Variants in SNX18 observed in about 807,000 individuals in gnomAD.
SNX18 encodes the protein sorting nexin-18.
A neutral mutation model predicts 48.7 loss-of-function variants in SNX18; 35 were observed. The observed-to-expected ratio is 0.72, with a 90% confidence interval of 0.55 to 0.95. The LOEUF is 0.95. SNX18 is among the 40% of genes least tolerant of loss of function. The pLI is 0.00. For synonymous variants in SNX18, 492 were observed against 384.7 expected (o/e 1.28, Z -3.26); for missense variants, 824 against 871.0 (o/e 0.95, Z 0.68).
At chr5:54,600,945 T>C in the SNX18 span, among the ~76,000 whole-genome samples, 2 of 152,212 alleles carry the variant, frequency 1.3e-5, no homozygotes, top group East Asian at 3.8e-4. Flanking sequence ...TTTATCTATG[T>C]AACAAACCTG....
In SNX18 at chr5:54,537,786, GTGTTA is replaced by G. The variant is rs370044179; in HGVS notation, c.1622-5391_1622-5387del. On this transcript the variant is annotated intron_variant, in intron 1 of 1. Transcript: ENST00000381410. ...CCATCATGAAAAATGTGTAGTCCTT[GTGTTA>G]TTTAGATTCTGGGCAACATTTTTAG... 1.4e-4 allele frequency among the ~76,000 whole-genome samples: 21 copies of G among 152,226 alleles called. No homozygotes were observed. The East Asian group carries it at 4.1e-3, about 29-fold the overall frequency.
chr5:54,615,038 C>T, the SNX18 span, among the ~76,000 whole-genome samples: 1 of 152,120 alleles, frequency 6.6e-6, no homozygotes, highest in Non-Finnish European at 1.5e-5. Context: ...AAACATACTC[C>T]TTCTGCTTTG....
chr5:54,617,351 G>T, the SNX18 span, among the ~76,000 whole-genome samples: 229 of 152,282 alleles, frequency 1.5e-3, 4 homozygotes, highest in East Asian at 0.036. Context: ...CTCCTGTTTG[G>T]TTCCACAGGA....
chr5:54,638,753 A>C, the SNX18 span, among the ~76,000 whole-genome samples: 2 of 152,294 alleles, frequency 1.3e-5, no homozygotes, highest in East Asian at 3.9e-4. Flanking sequence ...ACCTGTATAG[A>C]TAAAGAAAAC....
At chr5:54,522,984 G>A (rs563667931) in intron 1 of SNX18, among the ~76,000 whole-genome samples, 24 of 152,258 alleles carry the variant, frequency 1.6e-4, no homozygotes, top group African/African-American at 5.1e-4. Flanking sequence ...GAAGAAAGAC[G>A]GTAGTTTGCT....
At chr5:54,606,737 A>G in the SNX18 span, among the ~76,000 whole-genome samples, 1 of 152,228 alleles carries the variant, frequency 6.6e-6, no homozygotes, top group Non-Finnish European at 1.5e-5. Flanking sequence ...ATTTTACAAA[A>G]CATTAGTATA....
At chr5:54,579,052 C>T in the SNX18 span, among the ~76,000 whole-genome samples, 2 of 152,146 alleles carry the variant, frequency 1.3e-5, no homozygotes, top group Admixed American at 6.5e-5. Context: ...CAAGAACCAT[C>T]CCATAGGCTG....
the SNX18 span, among the ~76,000 whole-genome samples, chr5:54,622,246 C>T: frequency 1.7e-3 from 263 of 152,332 alleles, 2 homozygotes; most frequent in African/African-American, 6.2e-3. Flanking sequence ...CGCCAATAAT[C>T]CCAGCACTTT....
At chr5:54,638,199 C>T in the SNX18 span, among the ~76,000 whole-genome samples, 3 of 152,200 alleles carry the variant, frequency 2.0e-5, no homozygotes, top group Admixed American at 6.5e-5. Context: ...TTAAAAATAG[C>T]TGCCACGGTG....
chr5:54,571,984 C>T, the SNX18 span, among the ~76,000 whole-genome samples: 1 of 152,218 alleles, frequency 6.6e-6, no homozygotes, highest in South Asian at 2.1e-4. Flanking sequence ...GGGAAGGATA[C>T]TGTTGCAATC....
intron 1 of SNX18, 55 bp from the exon 2 acceptor site, chr5:54,543,124 T>G: frequency 6.5e-7 from 1 of 1,537,390 alleles, no homozygotes; most frequent in Non-Finnish European, 8.8e-7. Flanking sequence ...TGTAGTTATG[T>G]TCTTGGGATA....
In SNX18 at chr5:54,519,149, G is replaced by A. The variant is rs899806954; in HGVS notation, c.1197G>A (p.Lys399=). The change falls in exon 1 of 2, where the codon AAG becomes AAA. Residue 399 remains lysine, a synonymous_variant. Coordinates refer to ENST00000381410, the MANE Select transcript of SNX18 (RefSeq NM_001102575.2). The part of the protein sequence containing the change: ...AWKQGKRKAE[K]DEMVGANFFL... The stretch of plus-strand genomic sequence containing the variant: ...AGCAGGGCAAGAGGAAGGCCGAGAA[G>A]GACGAGATGGTGGGCGCCAACTTCT... 6.8e-6 allele frequency: 11 copies of A among 1,613,872 alleles called. No individual in the cohort carries two copies. In the African/African-American group the frequency reaches 8.0e-5, roughly 12 times the overall value.
At chr5:54,585,865 C>T in the SNX18 span, among the ~76,000 whole-genome samples, 5 of 151,984 alleles carry the variant, frequency 3.3e-5, no homozygotes, top group Non-Finnish European at 5.9e-5. Flanking sequence ...AATAGCTGTA[C>T]ATGGTGGCGG....
chr5:54,518,242 T>G lies in SNX18; in HGVS notation c.290T>G (p.Phe97Cys). 1 of 1,450,288 alleles carries G rather than the reference T, an allele frequency of 6.9e-7. No homozygotes were observed. Among genetic ancestry groups the G allele is most frequent in the South Asian group, 1.4e-5 (1 of 71,036 alleles). The allele number at this position is 1,450,288 out of a possible 1,614,324, so 89.8% of individuals were successfully genotyped here. A position where few individuals can be genotyped will look rare whatever the true frequency, so the allele number is the denominator to read the frequency against. ...CTGCCTGTCGCGCCCCCCGCCTCCT[T>G]CAAGCCGCCGCCTGACGCCTTCCAG... Reference protein sequence around the residue: ...EPLPVAPPASFKPPPDAFQAL... With the variant: ...EPLPVAPPASCKPPPDAFQAL... Residue 97 changes from phenylalanine to cysteine, a missense_variant, in exon 1 of 2, where the codon TTC becomes TGC. Phe to Cys is a radical substitution (Grantham distance 205, BLOSUM62 -2). This residue lies in a region of SNX18 where 377 missense variants were observed against 350.6 expected (regional missense o/e 1.08). Transcript: ENST00000381410.
the SNX18 span, among the ~76,000 whole-genome samples, chr5:54,603,252 T>A: frequency 1.0e-3 from 151 of 147,464 alleles, no homozygotes; most frequent in Admixed American, 1.6e-3. Context: ...ATATATATAT[T>A]TTTTTAGAGA....
chr5:54,559,789 GA>G, the SNX18 span, among the ~76,000 whole-genome samples: 5 of 152,068 alleles, frequency 3.3e-5, no homozygotes, highest in Non-Finnish European at 7.4e-5. Flanking sequence ...CAGAAAGGGA[GA>G]AAATATTTGC....
chr5:54,519,432 G>C lies in SNX18; in HGVS notation c.1480G>C (p.Ala494Pro). ...CTCGGTGGGCCTGAACCAGGCTATC[G>C]CCTTCACCGGAGATGCCTATGACGC... ...AFSVGLNQAI[A>P]FTGDAYDAIG... The change falls in exon 1 of 2, where the codon GCC becomes CCC. Residue 494 changes from alanine (A) to proline (P), a missense_variant. By Grantham distance (27) the Ala-to-Pro change is conservative. Coordinates refer to ENST00000381410, the MANE Select transcript of SNX18 (RefSeq NM_001102575.2). 1 of 1,612,448 alleles carries C rather than the reference G, an allele frequency of 6.2e-7. No homozygotes were observed. Among genetic ancestry groups the C allele is most frequent in the Non-Finnish European group, 8.5e-7 (1 of 1,179,628 alleles).
the SNX18 span, among the ~76,000 whole-genome samples, chr5:54,631,900 C>T: frequency 6.6e-6 from 1 of 152,172 alleles, no homozygotes; most frequent in Non-Finnish European, 1.5e-5. Context: ...GTTTCAGCCC[C>T]ACTGCAAAAC....
chr5:54,575,948 A>G, the SNX18 span, among the ~76,000 whole-genome samples: 1 of 152,196 alleles, frequency 6.6e-6, no homozygotes, highest in East Asian at 1.9e-4. Flanking sequence ...AAAGGCATAC[A>G]AGCATTCTAC....
Sources: allele counts gnomAD v4.1 joint callset (sites outside exome capture counted in the v4.1 genomes callset), GRCh38; gene constraint gnomAD v4.1.1; regional missense constraint gnomAD v4.1.1; transcripts MANE v1.5; gene names NCBI Gene and HGNC (gene_info 2026-07-23, HGNC 2026-07-21).